Variants in PPIL2 observed in about 807,000 individuals in gnomAD.
The protein encoded by PPIL2 is peptidylprolyl isomerase like 2.
PPIL2 carries 50 observed loss-of-function variants against 75.2 expected under a neutral mutation model. That is an observed-to-expected ratio of 0.66 (90% CI 0.53 to 0.84). The LOEUF (loss-of-function observed/expected upper bound fraction) is 0.84, where lower values mean the gene tolerates loss of function less well. PPIL2 is among the 40% of genes least tolerant of loss of function. The pLI is 0.00. For synonymous variants in PPIL2, 245 were observed against 258.8 expected (o/e 0.95, Z 0.51); for missense variants, 590 against 685.0 (o/e 0.86, Z 1.55).
intron 8 of PPIL2, 71 bp downstream of exon 8, chr22:21,682,597 C>G (rs2067178848): frequency 2.5e-6 from 2 of 797,246 alleles, no homozygotes; most frequent in Non-Finnish European, 3.5e-6. Context: ...CTACAGGGCC[C>G]TACCCCCACG....
At chr22:21,693,465 G>A (rs1160693802) in intron 15 of PPIL2, among the ~76,000 whole-genome samples, 7 of 152,372 alleles carry the variant, frequency 4.6e-5, no homozygotes, top group Middle Eastern at 6.8e-3. Flanking sequence ...GTCCCTTGAT[G>A]ACATGGGGCT....
At chr22:21,669,371 A>G (rs1302074509) in intron 1 of PPIL2, 2 of 445,722 alleles carry the variant, frequency 4.5e-6, no homozygotes, top group Admixed American at 4.8e-5. Flanking sequence ...CTGTTCTCCA[A>G]CGCCTGGACT....
intron 7 of PPIL2, 150 bp downstream of exon 7, chr22:21,681,540 T>C (rs1396096992): frequency 2.9e-6 from 2 of 701,418 alleles, no homozygotes; most frequent in Non-Finnish European, 4.8e-6. Flanking sequence ...CTAGCAAAGC[T>C]CTGGCAGTGC....
intron 10 of PPIL2, 127 bp downstream of exon 10, chr22:21,685,040 TC>T: frequency 7.6e-7 from 1 of 1,320,076 alleles, no homozygotes; most frequent in Non-Finnish European, 1.0e-6. Flanking sequence ...GCAGCCAGGA[TC>T]CCCCAGAGCT....
In PPIL2 at chr22:21,675,404, C is replaced by T. The variant is rs555790077; in HGVS notation, c.295+289C>T. Among the ~76,000 whole-genome samples, 47 of 152,214 alleles carry T rather than the reference C, an allele frequency of 3.1e-4. 1 individual carries two copies. In the South Asian group the frequency reaches 8.3e-3, roughly 27 times the overall value. On this transcript the variant is annotated intron_variant, in intron 6 of 19. Transcript: ENST00000398831. ...TACAAAAATTAGCCGGGCATGGTGGCGGGCGCCTGTAGTCCCAGCTACTCG... is the reference window on the plus strand; with the variant it reads ...TACAAAAATTAGCCGGGCATGGTGGTGGGCGCCTGTAGTCCCAGCTACTCG...
At chr22:21,674,991 GTC>G in intron 5 of PPIL2, 71 bp from the exon 6 acceptor site, 1 of 1,390,290 alleles carries the variant, frequency 7.2e-7, no homozygotes, top group Non-Finnish European at 1.0e-6. Flanking sequence ...TTTCCTGCCT[GTC>G]TCTGACCCTA....
rs747032701 is a variant in PPIL2, at chr22:21,696,908, A to ATGTC, written c.*1421_*1424dup. On this transcript the variant is annotated 3_prime_UTR_variant, in exon 20 of 20. Transcript: ENST00000398831. Reference sequence around the variant, plus strand: ...AGGCTGCCTGATGACCACTAGAGGTATGTCTGCCCCTCGTCACCCTGCTGC... The same window carrying ATGTC: ...AGGCTGCCTGATGACCACTAGAGGTATGTCTGTCTGCCCCTCGTCACCCTGCTGC... 2.8e-5 allele frequency: 45 copies of ATGTC among 1,594,322 alleles called. No homozygotes were observed. In the African/African-American group the frequency reaches 5.5e-4, roughly 19 times the overall value.
rs2067061740 is a variant in PPIL2, at chr22:21,680,389, TG to T, written c.296-908del. On this transcript the variant is annotated intron_variant, in intron 6 of 19. Coordinates refer to ENST00000398831, the MANE Select transcript of PPIL2 (RefSeq NM_014337.4). Reference sequence around the variant, plus strand: ...TAAAAATACAAAAATTAGTCGTACATGGTGACGCATGCATGCCTGTAGTCTC... The same window carrying T: ...TAAAAATACAAAAATTAGTCGTACATGTGACGCATGCATGCCTGTAGTCTC... 2.0e-5 allele frequency among the ~76,000 whole-genome samples: 3 copies of T among 152,144 alleles called. No homozygotes were observed. The South Asian group carries it at 6.2e-4, about 32-fold the overall frequency.
chr22:21,680,789 C>T (rs1258284578), intron 6 of PPIL2, among the ~76,000 whole-genome samples: 1 of 137,754 alleles, frequency 7.3e-6, no homozygotes, highest in Admixed American at 7.6e-5. Context: ...GAGATTGTGC[C>T]ACTGCACTCC....
intron 2 of PPIL2, chr22:21,670,365 G>A: frequency 6.6e-7 from 1 of 1,507,622 alleles, no homozygotes; most frequent in Non-Finnish European, 8.9e-7. Flanking sequence ...TAAAAAGTAT[G>A]CACTTTTCCC....
intron 14 of PPIL2, 140 bp from the exon 15 acceptor site, chr22:21,688,592 G>A: frequency 1.3e-6 from 1 of 779,826 alleles, no homozygotes; most frequent in South Asian, 1.7e-5. Flanking sequence ...GGTGGCGTGG[G>A]GCTGGGAGCC....
At chr22:21,685,769 G>A in intron 10 of PPIL2, 1 of 397,606 alleles carries the variant, frequency 2.5e-6, no homozygotes, top group South Asian at 1.8e-5. Flanking sequence ...TCTGATGGGA[G>A]AAACCCCTTT....
At position 21,696,524 on chromosome 22, in the gene PPIL2, C is replaced by T. The variant is rs891965897; in HGVS notation, c.*1034C>T. 7.6e-7 allele frequency: 1 copy of T among 1,323,294 alleles called. No homozygotes were observed. The highest frequency in any genetic ancestry group is 1.5e-5 in the African/African-American group (1 of 67,128). The allele number at this position is 1,323,294 out of a possible 1,614,324, so 82.0% of individuals were successfully genotyped here. Reference sequence around the variant, plus strand: ...AAAGAAAGACCCCTCCCTCAACCCCCATTTTTCTGTTAAATGTGCCCCTGG... The same window carrying T: ...AAAGAAAGACCCCTCCCTCAACCCCTATTTTTCTGTTAAATGTGCCCCTGG... On this transcript the variant is annotated 3_prime_UTR_variant, in exon 20 of 20. Transcript: ENST00000398831.
rs747180992 is a variant in PPIL2 at position 21,694,750 on chromosome 22, G to GCTA, written c.1270-4_1270-2dup. ...TGCCGTGCACTGAGCCCCCTTTGCT[G>GCTA]CTAGGAGGAGATCCGCATTGATGCC... On this transcript the variant is annotated splice_region_variant and splice_polypyrimidine_tract_variant and intron_variant, in intron 17 of 19. Coordinates refer to ENST00000398831, the MANE Select transcript of PPIL2 (RefSeq NM_014337.4). 151 of 1,610,362 alleles carry GCTA rather than the reference G, an allele frequency of 9.4e-5. No individual in the cohort carries two copies. Among genetic ancestry groups the GCTA allele is most frequent in the Non-Finnish European group, 1.3e-4 (148 of 1,177,842 alleles).
intron 19 of PPIL2, 149 bp from the exon 20 acceptor site, chr22:21,695,245 C>T: frequency 7.5e-7 from 1 of 1,324,598 alleles, no homozygotes; most frequent in Non-Finnish European, 1.0e-6. Context: ...GCCGGGGCCT[C>T]TGTGGGTGGA....
chr22:21,695,654 C>A lies in PPIL2; in HGVS notation c.*164C>A. 1 of 1,446,494 alleles carries A rather than the reference C, an allele frequency of 6.9e-7. No homozygotes were observed. The highest frequency in any genetic ancestry group is 9.1e-7 in the Non-Finnish European group (1 of 1,096,914). The allele number at this position is 1,446,494 out of a possible 1,614,324, so 89.6% of individuals were successfully genotyped here. A position where few individuals can be genotyped will look rare whatever the true frequency, so the allele number is the denominator to read the frequency against. ...GGCCCCTGGGAGCCCACAGCCTTCC[C>A]ATCCCTTAACCTGTTGCCAAGGGCC... is the stretch of plus-strand genomic sequence containing the variant. On this transcript the variant is annotated 3_prime_UTR_variant, in exon 20 of 20. Transcript: ENST00000398831.
rs753707095 is a variant in PPIL2, at chr22:21,680,681, T to TGCC, written c.296-618_296-617insGCC. 3.7e-3 allele frequency among the ~76,000 whole-genome samples: 560 copies of TGCC among 150,544 alleles called. 3 individuals are homozygous for TGCC. Among genetic ancestry groups the TGCC allele is most frequent in the Non-Finnish European group, 6.5e-3 (438 of 67,666 alleles). On this transcript the variant is annotated intron_variant, in intron 6 of 19. Coordinates refer to ENST00000398831, the MANE Select transcript of PPIL2 (RefSeq NM_014337.4). ...CATCTCTACTAAAAATACAGAAAAATTAGCCGGGCATGATGGCAGGCACCT... is the reference window on the plus strand; with the variant it reads ...CATCTCTACTAAAAATACAGAAAAATGCCTAGCCGGGCATGATGGCAGGCACCT...
intron 15 of PPIL2, among the ~76,000 whole-genome samples, chr22:21,690,921 C>A (rs954502756): frequency 9.3e-5 from 14 of 150,134 alleles, no homozygotes; most frequent in Admixed American, 8.0e-4. Context: ...GCTTAACCAG[C>A]CTGTGAAACT....
At chr22:21,687,603 C>T (rs374014821) in intron 12 of PPIL2, 40 bp from the exon 13 acceptor site, 10 of 908,042 alleles carry the variant, frequency 1.1e-5, no homozygotes, top group Non-Finnish European at 1.6e-5. Context: ...CTGCCTTTGG[C>T]AGCTCTCTGC....
Sources: gnomAD v4.1 joint callset for allele counts (sites outside exome capture counted in the v4.1 genomes callset) on GRCh38, gnomAD v4.1.1 for gene constraint, MANE v1.5 for transcripts, NCBI Gene and HGNC (gene_info 2026-07-23, HGNC 2026-07-21) for gene names.